ARB2A: variants seen among roughly 807,000 people sequenced by gnomAD.
The protein encoded by ARB2A is ARB2 cotranscriptional regulator A, also known as cotranscriptional regulator ARB2A.
chr5:93,771,154 A>G, the ARB2A span, among the ~76,000 whole-genome samples: 1 of 152,186 alleles, frequency 6.6e-6, no homozygotes, highest in East Asian at 1.9e-4. Flanking sequence ...AACGCCGCAT[A>G]TCTACAACTA....
chr5:93,818,890 G>A, the ARB2A span, among the ~76,000 whole-genome samples: 3 of 152,172 alleles, frequency 2.0e-5, no homozygotes, highest in Non-Finnish European at 4.4e-5. Context: ...TAGTAAAAGA[G>A]TTAAGGTTTA....
chr5:93,644,595 G>GA, the ARB2A span, among the ~76,000 whole-genome samples: 362 of 152,218 alleles, frequency 2.4e-3, 1 homozygote, highest in Non-Finnish European at 4.1e-3. Context: ...CAGTATACCA[G>GA]AAAAAACAGA....
At chr5:93,997,438 GT>G in the ARB2A span, among the ~76,000 whole-genome samples, 8 of 151,950 alleles carry the variant, frequency 5.3e-5, no homozygotes, top group Non-Finnish European at 7.4e-5. Context: ...TAGTTATTCT[GT>G]ATTCAATAAG....
the ARB2A span, among the ~76,000 whole-genome samples, chr5:93,830,473 T>C: frequency 6.6e-6 from 1 of 151,622 alleles, no homozygotes; most frequent in Non-Finnish European, 1.5e-5. Flanking sequence ...ACATAAAGAC[T>C]TCAGAAGCAG....
At chr5:94,007,438 G>T in the ARB2A span, among the ~76,000 whole-genome samples, 2 of 152,044 alleles carry the variant, frequency 1.3e-5, no homozygotes, top group East Asian at 3.9e-4. Context: ...TACTCTACTA[G>T]AAACCTAAGA....
At chr5:93,933,969 G>T in the ARB2A span, among the ~76,000 whole-genome samples, 6 of 151,994 alleles carry the variant, frequency 3.9e-5, no homozygotes, top group Admixed American at 6.6e-5. Flanking sequence ...TCACGCCACT[G>T]CATTACAGCC....
At chr5:93,661,461 GTT>G in the ARB2A span, among the ~76,000 whole-genome samples, 3 of 152,112 alleles carry the variant, frequency 2.0e-5, no homozygotes, top group South Asian at 2.1e-4. Context: ...GTCATCTTTT[GTT>G]TCACATTACC....
the ARB2A span, among the ~76,000 whole-genome samples, chr5:94,006,849 GA>G: frequency 6.6e-6 from 1 of 152,120 alleles, no homozygotes; most frequent in African/African-American, 2.4e-5. Flanking sequence ...CAGCAATAAC[GA>G]AGTATTTTAT....
the ARB2A span, among the ~76,000 whole-genome samples, chr5:93,973,617 C>G: frequency 6.6e-6 from 1 of 152,110 alleles, no homozygotes; most frequent in East Asian, 1.9e-4. Context: ...ACACAGTCAT[C>G]AGACTATCCA....
the ARB2A span, among the ~76,000 whole-genome samples, chr5:93,827,418 C>T: frequency 2.6e-5 from 4 of 152,030 alleles, no homozygotes; most frequent in African/African-American, 9.7e-5. Flanking sequence ...CTGTTCATAT[C>T]CTTCGCCCAC....
At chr5:93,873,690 T>C in the ARB2A span, among the ~76,000 whole-genome samples, 2 of 152,202 alleles carry the variant, frequency 1.3e-5, no homozygotes, top group Non-Finnish European at 2.9e-5. Context: ...GACTGCCTTA[T>C]TGAATTGTTA....
At chr5:94,088,480 AGAC>A in the ARB2A span, among the ~76,000 whole-genome samples, 1 of 152,168 alleles carries the variant, frequency 6.6e-6, no homozygotes, top group Non-Finnish European at 1.5e-5. Context: ...CAGGAGTTCA[AGAC>A]CAGCCCTGGC....
the ARB2A span, among the ~76,000 whole-genome samples, chr5:93,927,986 C>T: frequency 6.6e-6 from 1 of 150,962 alleles, no homozygotes; most frequent in African/African-American, 2.4e-5. Flanking sequence ...CTAAAATCAA[C>T]ATTACCAATT....
the ARB2A span, among the ~76,000 whole-genome samples, chr5:93,990,016 A>G: frequency 6.6e-6 from 1 of 152,190 alleles, no homozygotes; most frequent in Non-Finnish European, 1.5e-5. Context: ...GAAACACATT[A>G]AAGTTCACAC....
the ARB2A span, among the ~76,000 whole-genome samples, chr5:93,988,357 T>C: frequency 1.3e-5 from 2 of 152,316 alleles, no homozygotes; most frequent in East Asian, 3.9e-4. Context: ...TTTAATCCTA[T>C]ACCATTCTCA....
At chr5:93,728,850 A>G in the ARB2A span, among the ~76,000 whole-genome samples, 8 of 152,142 alleles carry the variant, frequency 5.3e-5, no homozygotes, top group Non-Finnish European at 7.4e-5. Flanking sequence ...TAAATAAATG[A>G]TCTATTGTGT....
the ARB2A span, chr5:93,618,488 G>C: frequency 1.3e-5 from 2 of 152,112 alleles, no homozygotes; most frequent in African/African-American, 4.8e-5. Flanking sequence ...AAGAAGATCA[G>C]AACAAAAATA....
the ARB2A span, among the ~76,000 whole-genome samples, chr5:94,004,751 A>G: frequency 0.017 from 2,554 of 152,108 alleles, 27 homozygotes; most frequent in Non-Finnish European, 0.027. Flanking sequence ...ATAGGTTCCT[A>G]CAAGCCTCTA....
chr5:93,902,780 AC>A, the ARB2A span, among the ~76,000 whole-genome samples: 3 of 152,214 alleles, frequency 2.0e-5, no homozygotes, highest in Non-Finnish European at 4.4e-5. Context: ...CCACAAAGAC[AC>A]CTCAATCTGG....
Sources: gnomAD v4.1 joint callset for allele counts (sites outside exome capture counted in the v4.1 genomes callset) on GRCh38, gnomAD v4.1.1 for gene constraint, MANE v1.5 for transcripts, NCBI Gene and HGNC (gene_info 2026-07-23, HGNC 2026-07-21) for gene names.